Variants in AGBL1 observed in about 807,000 individuals in gnomAD.
AGBL1 encodes the protein cytosolic carboxypeptidase 4.
Under a neutral mutation model 118.9 loss-of-function variants are expected in AGBL1, and 130 were observed. The ratio of observed to expected loss-of-function variants is 1.09; its 90% CI spans 0.95 to 1.26. AGBL1 has a LOEUF of 1.26. Among genes scored for constraint, AGBL1 ranks in the 50% most tolerant of loss-of-function variants. AGBL1 has a pLI of 0.00. For synonymous variants in AGBL1, 555 were observed against 478.9 expected, an observed-to-expected ratio of 1.16 and a Z score of -2.08; for missense variants, 1,584 against 1,298.1, an observed-to-expected ratio of 1.22 and a Z score of -3.38.
At chr15:86,947,886 C>T (rs2080841981) in intron 23 of AGBL1, among the ~76,000 whole-genome samples, 2 of 152,070 alleles carry the variant, frequency 1.3e-5, no homozygotes, top group African/African-American at 4.8e-5. Flanking sequence ...ATTTTTTCTG[C>T]TATACTGCTA....
At chr15:86,879,385 A>G (rs974785787) in intron 22 of AGBL1, among the ~76,000 whole-genome samples, 8 of 152,116 alleles carry the variant, frequency 5.3e-5, no homozygotes, top group African/African-American at 1.9e-4. Flanking sequence ...TTGGGAAAGA[A>G]CTTACCTGCT....
chr15:86,582,709 T>A (rs983320527), intron 21 of AGBL1, among the ~76,000 whole-genome samples: 1 of 152,036 alleles, frequency 6.6e-6, no homozygotes, highest in African/African-American at 2.4e-5. Flanking sequence ...ATGTCCTTTG[T>A]AGGGACATGG....
Position 86,097,482 on chromosome 15 carries a change from C to G in AGBL1, c.51+17459C>G, listed in dbSNP as rs540776724. ...CTTCCTCCACATTGACTGCCACACA[C>G]CCTTCCCAGCCTCTGATAATCAACA... On this transcript the variant is annotated intron_variant, in intron 1 of 22. Transcript: ENST00000614907. Among the ~76,000 whole-genome samples the G allele has an allele frequency of 1.2e-4, 18 of 152,154 alleles. No individual in the cohort carries two copies. The South Asian group carries it at 2.3e-3, about 19-fold the overall frequency.
intron 9 of AGBL1, among the ~76,000 whole-genome samples, chr15:86,261,969 C>T (rs1597642749): frequency 6.6e-6 from 1 of 151,926 alleles, no homozygotes; most frequent in East Asian, 1.9e-4. Context: ...CAAATCTCAT[C>T]TCCTGCAATC....
Position 86,914,072 on chromosome 15 carries a change from A to G in AGBL1, c.*6778A>G, listed in dbSNP as rs2081482604. 1 of 152,226 alleles carries G rather than the reference A, an allele frequency of 6.6e-6. No individual in the cohort carries two copies. The highest frequency in any genetic ancestry group is 1.5e-5 in the Non-Finnish European group (1 of 68,032). 9.4% of individuals were successfully genotyped at this position (152,226 alleles called of 1,614,324 possible). On this transcript the variant is annotated 3_prime_UTR_variant, in exon 23 of 23. Transcript: ENST00000614907. ...CTATTCAGTTAAAGTGTCTGAGTGT[A>G]GCCCTGGTCTTGAAGGGCAGGGCAA...
chr15:86,138,580 G>A (rs2076920014), intron 1 of AGBL1, among the ~76,000 whole-genome samples: 1 of 152,190 alleles, frequency 6.6e-6, no homozygotes, highest in Admixed American at 6.5e-5. Flanking sequence ...GAATGTTTGC[G>A]AGATGAATGC....
chr15:86,790,413 TA>T (rs900323654), intron 22 of AGBL1, among the ~76,000 whole-genome samples: 1 of 151,918 alleles, frequency 6.6e-6, no homozygotes, highest in Admixed American at 6.6e-5. Context: ...TATCTTTTTT[TA>T]AAAAAACTTT....
intron 22 of AGBL1, among the ~76,000 whole-genome samples, chr15:86,757,391 C>T (rs2077957715): frequency 6.6e-6 from 1 of 152,070 alleles, no homozygotes; most frequent in Non-Finnish European, 1.5e-5. Context: ...TCTTAGCTAT[C>T]AACTTTAATG....
chr15:86,608,002 A>C (rs765448453), intron 21 of AGBL1, among the ~76,000 whole-genome samples: 16 of 152,172 alleles, frequency 1.1e-4, no homozygotes, highest in Non-Finnish European at 1.6e-4. Context: ...ACCACTTTGA[A>C]ACCAAGTCTT....
At chr15:86,619,781 C>G (rs2084779381) in intron 21 of AGBL1, among the ~76,000 whole-genome samples, 1 of 152,102 alleles carries the variant, frequency 6.6e-6, no homozygotes, top group Admixed American at 6.6e-5. Flanking sequence ...TCACTGCAGA[C>G]CTGGGATTTA....
intron 21 of AGBL1, among the ~76,000 whole-genome samples, chr15:86,651,641 C>T (rs1342205309): frequency 1.3e-5 from 2 of 152,170 alleles, no homozygotes; most frequent in Admixed American, 6.5e-5. Flanking sequence ...GACGGTGTTC[C>T]TGTTTTCCCA....
intron 22 of AGBL1, among the ~76,000 whole-genome samples, chr15:86,729,207 T>A (rs1356107834): frequency 6.6e-6 from 1 of 152,258 alleles, no homozygotes; most frequent in African/African-American, 2.4e-5. Context: ...AACAAGCCAC[T>A]ATTAATGTTA....
At chr15:86,314,569 G>T (rs752294675) in intron 17 of AGBL1, among the ~76,000 whole-genome samples, 76 of 152,168 alleles carry the variant, frequency 5.0e-4, no homozygotes, top group Non-Finnish European at 7.6e-4. Flanking sequence ...AGACATTTCT[G>T]TAGGACCTGG....
intron 22 of AGBL1, among the ~76,000 whole-genome samples, chr15:86,693,783 G>A (rs56965525): frequency 0.011 from 1,733 of 152,184 alleles, 27 homozygotes; most frequent in East Asian, 0.07. Context: ...TAAGGTGAGA[G>A]ATGACAATCC....
intron 6 of AGBL1, among the ~76,000 whole-genome samples, chr15:86,230,947 C>T (rs891591670): frequency 6.6e-6 from 1 of 152,152 alleles, no homozygotes; most frequent in Non-Finnish European, 1.5e-5. Context: ...AACTATTGAT[C>T]TTACCTCCCC....
At chr15:86,526,117 TCAA>T (rs772916803) in intron 19 of AGBL1, among the ~76,000 whole-genome samples, 8 of 152,116 alleles carry the variant, frequency 5.3e-5, no homozygotes, top group Non-Finnish European at 1.0e-4. Flanking sequence ...GAGAAAATGC[TCAA>T]CGTCACTAAT....
intron 18 of AGBL1, among the ~76,000 whole-genome samples, chr15:86,415,085 A>T (rs1567245318): frequency 6.6e-6 from 1 of 152,202 alleles, no homozygotes; most frequent in Non-Finnish European, 1.5e-5. Flanking sequence ...AAGGCCTCAG[A>T]TGATCAGTGG....
At chr15:86,650,892 G>A (rs1226965550) in intron 21 of AGBL1, among the ~76,000 whole-genome samples, 17 of 152,204 alleles carry the variant, frequency 1.1e-4, no homozygotes, top group Non-Finnish European at 2.2e-4. Context: ...TTCCAAGTAG[G>A]TTTGATTTGG....
chr15:86,244,836 C>G (rs1467887639), intron 6 of AGBL1, among the ~76,000 whole-genome samples: 4 of 152,104 alleles, frequency 2.6e-5, no homozygotes, highest in African/African-American at 4.8e-5. Flanking sequence ...CCTTTAATAC[C>G]TCCCACTTAA....
Sources: allele counts gnomAD v4.1 joint callset (sites outside exome capture counted in the v4.1 genomes callset), GRCh38; gene constraint gnomAD v4.1.1; transcripts MANE v1.5; gene names NCBI Gene and HGNC (gene_info 2026-07-23, HGNC 2026-07-21).